XKR9: variants seen among roughly 807,000 people sequenced by gnomAD.
XKR9 encodes the protein XK-related protein 9.
In XKR9, 32 loss-of-function variants were observed where a neutral mutation model predicts 32.0. The observed-to-expected ratio is 1.00, with a 90% CI of 0.76 to 1.34. The LOEUF is 1.34. XKR9 is among the 40% of genes most tolerant of loss of function. The pLI is 0.00. For synonymous variants in XKR9, 168 were observed against 143.4 expected (o/e 1.17, Z -1.22); for missense variants, 546 against 429.7 (o/e 1.27, Z -2.39).
At chr8:70,826,006 G>C in the XKR9 span, among the ~76,000 whole-genome samples, 2 of 151,850 alleles carry the variant, frequency 1.3e-5, no homozygotes, top group Non-Finnish European at 2.9e-5. Flanking sequence ...TTTAAATAAG[G>C]GTATATGGAA....
chr8:70,845,497 T>C, the XKR9 span, among the ~76,000 whole-genome samples: 1 of 152,032 alleles, frequency 6.6e-6, no homozygotes, highest in African/African-American at 2.4e-5. Flanking sequence ...TTAAGAAAGC[T>C]CAGTGAGACA....
chr8:70,691,191 T>G (rs1805056862), intron 3 of XKR9, among the ~76,000 whole-genome samples: 1 of 152,252 alleles, frequency 6.6e-6, no homozygotes, highest in Non-Finnish European at 1.5e-5. Context: ...ATAAGCTTGT[T>G]TGCCACATGT....
chr8:70,866,435 T>C, the XKR9 span, among the ~76,000 whole-genome samples: 1 of 152,194 alleles, frequency 6.6e-6, no homozygotes, highest in Non-Finnish European at 1.5e-5. Flanking sequence ...TTTCATTCAA[T>C]TACATATTTG....
chr8:70,682,847 T>G (rs1819131383), intron 3 of XKR9, among the ~76,000 whole-genome samples: 1 of 152,360 alleles, frequency 6.6e-6, no homozygotes, highest in East Asian at 1.9e-4. Context: ...ATTGATTGAG[T>G]TGAGGTCCCT....
chr8:70,993,625 CCTTCCTTCCTTCCTTCCTTCCTT>C, the XKR9 span, among the ~76,000 whole-genome samples: 1 of 107,260 alleles, frequency 9.3e-6, no homozygotes, highest in Admixed American at 9.2e-5. Context: ...TTCCTTCCTT[CCTTCCTTCCTTCCTTCCTTCCTT>C]CCTTCCTTCC....
the XKR9 span, among the ~76,000 whole-genome samples, chr8:70,942,424 T>A: frequency 6.6e-6 from 1 of 152,096 alleles, no homozygotes; most frequent in Non-Finnish European, 1.5e-5. Flanking sequence ...AATCTCTTAC[T>A]TACCTGCCTT....
chr8:70,688,376 G>A (rs1326433926), intron 3 of XKR9, among the ~76,000 whole-genome samples: 1 of 152,026 alleles, frequency 6.6e-6, no homozygotes, highest in Non-Finnish European at 1.5e-5. Flanking sequence ...CCACAAGGGC[G>A]ATAAACGAGT....
the XKR9 span, among the ~76,000 whole-genome samples, chr8:70,854,649 G>T: frequency 7.9e-3 from 1,197 of 152,218 alleles, 29 homozygotes; most frequent in African/African-American, 0.027. Context: ...GGTTTTTATG[G>T]TTTTAGGTCT....
Position 70,734,055 on chromosome 8 carries a change from C to G in XKR9, c.753C>G (p.Thr251=), listed in dbSNP as rs1416939770. ...TAATATGGGCATTTAAAAACAACAC[C>G]CAGTTTTGTACTTGTATAAGTATGG... ...LGIIWAFKNN[T]QFCTCISMEF... The change falls in exon 5 of 5, where the codon ACC becomes ACG. Residue 251 remains threonine (T), a synonymous_variant. Transcript: ENST00000408926. The G allele has an allele frequency of 6.2e-7, 1 of 1,612,796 alleles. No homozygotes were observed. The highest frequency in any genetic ancestry group is 1.1e-5 in the South Asian group (1 of 90,928).
At chr8:70,711,998 A>T (rs956086860) in intron 4 of XKR9, among the ~76,000 whole-genome samples, 1 of 152,196 alleles carries the variant, frequency 6.6e-6, no homozygotes, top group Non-Finnish European at 1.5e-5. Context: ...GAAGAAAAAA[A>T]AGTCAGGTTG....
chr8:70,670,820 C>T (rs915455567), intron 1 of XKR9, among the ~76,000 whole-genome samples: 2 of 152,162 alleles, frequency 1.3e-5, no homozygotes, highest in Admixed American at 1.3e-4. Flanking sequence ...ACCAAATCTC[C>T]TACATCAGGC....
chr8:71,009,042 T>C, the XKR9 span, among the ~76,000 whole-genome samples: 266 of 152,164 alleles, frequency 1.7e-3, 2 homozygotes, highest in African/African-American at 6.0e-3. Flanking sequence ...GATGTGTTAT[T>C]TGGAGACAGA....
chr8:70,871,419 T>C, the XKR9 span, among the ~76,000 whole-genome samples: 2 of 152,222 alleles, frequency 1.3e-5, no homozygotes, highest in South Asian at 2.1e-4. Context: ...ATTTTTCCAA[T>C]AGCACATGCT....
At chr8:70,756,957 A>G (rs534617018) in intron 2 of XKR9, among the ~76,000 whole-genome samples, 1 of 152,214 alleles carries the variant, frequency 6.6e-6, no homozygotes, top group Non-Finnish European at 1.5e-5. Flanking sequence ...TTGCACCACT[A>G]ACTATGATGT....
the XKR9 span, among the ~76,000 whole-genome samples, chr8:70,798,862 G>T: frequency 2.0e-5 from 3 of 152,196 alleles, no homozygotes; most frequent in African/African-American, 2.4e-5. Context: ...GGTTGTTGAG[G>T]TACAGCTTTA....
At chr8:70,856,205 C>T in the XKR9 span, among the ~76,000 whole-genome samples, 3 of 152,022 alleles carry the variant, frequency 2.0e-5, no homozygotes, top group Admixed American at 2.0e-4. Flanking sequence ...GAGTGAAGAC[C>T]CATCAGTGTG....
chr8:70,899,430 GTTT>G, the XKR9 span, among the ~76,000 whole-genome samples: 1 of 135,416 alleles, frequency 7.4e-6, no homozygotes, highest in South Asian at 2.5e-4. Context: ...CAGGAAGACA[GTTT>G]TTTTTTTTTT....
At chr8:70,761,531 C>T (rs548197359) in intron 2 of XKR9, among the ~76,000 whole-genome samples, 3 of 152,064 alleles carry the variant, frequency 2.0e-5, no homozygotes, top group Non-Finnish European at 2.9e-5. Context: ...GTTCACCCCA[C>T]CTTTTAATGA....
At chr8:70,807,456 GAC>G in the XKR9 span, among the ~76,000 whole-genome samples, 4 of 152,128 alleles carry the variant, frequency 2.6e-5, no homozygotes, top group African/African-American at 9.7e-5. Flanking sequence ...CCAATTAAAA[GAC>G]ACAGAGTGGC....
Sources: allele counts gnomAD v4.1 joint callset (sites outside exome capture counted in the v4.1 genomes callset), GRCh38; gene constraint gnomAD v4.1.1; transcripts MANE v1.5; gene names NCBI Gene and HGNC (gene_info 2026-07-23, HGNC 2026-07-21).